Variants in LRMDA observed in about 807,000 individuals in gnomAD.
The protein encoded by LRMDA is leucine-rich melanocyte differentiation-associated protein.
In LRMDA, 18 loss-of-function variants were observed where a neutral mutation model predicts 29.8. The observed-to-expected ratio is 0.60, with a 90% CI of 0.42 to 0.90. The LOEUF is 0.90. Among genes scored for constraint, LRMDA ranks in the 40% least tolerant of loss-of-function variants. The probability of loss-of-function intolerance (pLI) is 0.00; values close to 1 mark genes in which losing one functional copy is unlikely to be tolerated. For synonymous variants in LRMDA, 125 were observed against 109.4 expected (o/e 1.14, Z -0.89); for missense variants, 273 against 273.9 (o/e 1.00, Z 0.02).
chr10:75,769,172 G>A (rs185700130), intron 2 of LRMDA, among the ~76,000 whole-genome samples: 4 of 152,290 alleles, frequency 2.6e-5, no homozygotes, highest in East Asian at 3.9e-4. Context: ...AGCTACCGGA[G>A]ACACACAAAA....
chr10:76,191,262 A>G (rs1437427351), intron 5 of LRMDA, among the ~76,000 whole-genome samples: 2 of 152,196 alleles, frequency 1.3e-5, no homozygotes, highest in African/African-American at 2.4e-5. Context: ...TAAATGCACT[A>G]TGTCTCTTTC....
chr10:75,786,189 G>A (rs779497962), intron 2 of LRMDA, among the ~76,000 whole-genome samples: 5 of 152,158 alleles, frequency 3.3e-5, no homozygotes, highest in African/African-American at 7.2e-5. Flanking sequence ...AATCTGGGTC[G>A]CTTCTCCTCA....
chr10:75,647,916 G>A (rs946408451), intron 2 of LRMDA, among the ~76,000 whole-genome samples: 1 of 152,110 alleles, frequency 6.6e-6, no homozygotes, highest in African/African-American at 2.4e-5. Flanking sequence ...TCAGGAGAGT[G>A]AAGTTCTGGA....
At chr10:76,345,190 C>A (rs1461378899) in intron 6 of LRMDA, among the ~76,000 whole-genome samples, 5 of 149,736 alleles carry the variant, frequency 3.3e-5, no homozygotes, top group Admixed American at 6.6e-5. Context: ...CCTCAGCCTC[C>A]CGAGTAGCTG....
At chr10:76,471,995 C>T (rs1321906616) in intron 6 of LRMDA, among the ~76,000 whole-genome samples, 1 of 151,528 alleles carries the variant, frequency 6.6e-6, no homozygotes, top group Non-Finnish European at 1.5e-5. Context: ...TGTTCAATAC[C>T]CCACTCTTAA....
intron 2 of LRMDA, among the ~76,000 whole-genome samples, chr10:75,505,319 G>A (rs922172206): frequency 6.6e-6 from 1 of 152,080 alleles, no homozygotes; most frequent in African/African-American, 2.4e-5. Context: ...GGTTATAGCT[G>A]GCTCACTAGT....
chr10:75,710,748 G>A (rs927154830), intron 2 of LRMDA, among the ~76,000 whole-genome samples: 8 of 152,212 alleles, frequency 5.3e-5, no homozygotes, highest in Admixed American at 2.0e-4. Context: ...AGACTGAAAC[G>A]CAGGGAGGTC....
In LRMDA at chr10:76,161,170, T is replaced by C. The variant is rs528586240; in HGVS notation, c.516+102387T>C. Among the ~76,000 whole-genome samples the C allele has an allele frequency of 2.6e-5, 4 of 152,226 alleles. No homozygotes were observed. In the South Asian group the frequency reaches 8.3e-4, roughly 32 times the overall value. ...CCAAGGGAGATAAATTGGAGAAACATGAAAAGGGAAAGAGATCTTGTCTCT... is the reference window on the plus strand; with the variant it reads ...CCAAGGGAGATAAATTGGAGAAACACGAAAAGGGAAAGAGATCTTGTCTCT... On this transcript the variant is annotated intron_variant, in intron 5 of 6. Coordinates refer to ENST00000611255, the MANE Select transcript of LRMDA (RefSeq NM_001305581.2).
chr10:76,042,445 G>A (rs1432898930), intron 3 of LRMDA, among the ~76,000 whole-genome samples: 1 of 152,196 alleles, frequency 6.6e-6, no homozygotes, highest in Admixed American at 6.5e-5. Flanking sequence ...GCATTCAAAT[G>A]ATCCACTTCT....
chr10:75,697,854 T>TGCGC, intron 2 of LRMDA, among the ~76,000 whole-genome samples: 1 of 151,502 alleles, frequency 6.6e-6, no homozygotes, highest in Non-Finnish European at 1.5e-5. Flanking sequence ...TGTGTGTGCG[T>TGCGC]GTGTGTGTGT....
intron 6 of LRMDA, among the ~76,000 whole-genome samples, chr10:76,442,180 C>G (rs1209119569): frequency 1.3e-5 from 2 of 152,116 alleles, no homozygotes. Context: ...TTATTGCTAA[C>G]CCTTGGTTTT....
At chr10:75,666,648 A>T (rs1029524807) in intron 2 of LRMDA, among the ~76,000 whole-genome samples, 1 of 152,174 alleles carries the variant, frequency 6.6e-6, no homozygotes, top group Non-Finnish European at 1.5e-5. Flanking sequence ...GAGAGAATTT[A>T]TAAGTATAAG....
At chr10:76,335,543 A>T (rs1840956592) in intron 6 of LRMDA, among the ~76,000 whole-genome samples, 1 of 152,230 alleles carries the variant, frequency 6.6e-6, no homozygotes, top group Non-Finnish European at 1.5e-5. Context: ...GGTCCTAATG[A>T]CATGTGCCCA....
At chr10:75,765,747 A>G (rs1843155441) in intron 2 of LRMDA, among the ~76,000 whole-genome samples, 1 of 151,938 alleles carries the variant, frequency 6.6e-6, no homozygotes, top group Admixed American at 6.6e-5. Flanking sequence ...GCAGAATGAA[A>G]AGGAGCCACC....
At position 75,574,883 on chromosome 10, in the gene LRMDA, C is replaced by T. The variant is rs190291741; in HGVS notation, c.131+136389C>T. 2.9e-3 allele frequency among the ~76,000 whole-genome samples: 434 copies of T among 152,240 alleles called. 6 individuals are homozygous for T. The highest frequency in any genetic ancestry group is 0.01 in the African/African-American group (417 of 41,540). On this transcript the variant is annotated intron_variant, in intron 2 of 6. Coordinates refer to ENST00000611255, the MANE Select transcript of LRMDA (RefSeq NM_001305581.2). ...TTCTCACACTGCTATAAAGAAATAC[C>T]GGAGACTGGGTAATTTATAAAGAAA...
At chr10:76,322,747 T>G (rs1840787212) in intron 5 of LRMDA, among the ~76,000 whole-genome samples, 1 of 152,180 alleles carries the variant, frequency 6.6e-6, no homozygotes, top group Non-Finnish European at 1.5e-5. Flanking sequence ...TGGGTCTTTT[T>G]TTTAGCAATG....
intron 2 of LRMDA, among the ~76,000 whole-genome samples, chr10:75,478,771 G>T (rs1337634796): frequency 6.6e-6 from 1 of 152,104 alleles, no homozygotes; most frequent in Non-Finnish European, 1.5e-5. Context: ...TGGAGATATT[G>T]TCCCACCTGT....
At chr10:75,701,347 C>T (rs1217806049) in intron 2 of LRMDA, among the ~76,000 whole-genome samples, 1 of 152,174 alleles carries the variant, frequency 6.6e-6, no homozygotes, top group Non-Finnish European at 1.5e-5. Context: ...ATGCCCACAC[C>T]TATGATCCTG....
chr10:76,197,693 C>T lies in LRMDA; in HGVS notation c.517-126708C>T, dbSNP rs1005815569. ...TAACACTTTGGGAGGCCAAGGAAGG[C>T]GGATCACTTGAAGTCAGGAGTTTGA... On this transcript the variant is annotated intron_variant, in intron 5 of 6. Transcript: ENST00000611255. 3.9e-5 allele frequency among the ~76,000 whole-genome samples: 6 copies of T among 152,168 alleles called. No homozygotes were observed. In the South Asian group the frequency reaches 6.2e-4, roughly 16 times the overall value.
Sources: gnomAD v4.1 joint callset for allele counts (sites outside exome capture counted in the v4.1 genomes callset) on GRCh38, gnomAD v4.1.1 for gene constraint, MANE v1.5 for transcripts, NCBI Gene and HGNC (gene_info 2026-07-23, HGNC 2026-07-21) for gene names.